The following KIF16B variants were observed in gnomAD, a reference collection of about 807,000 sequenced individuals.
The protein encoded by KIF16B is kinesin-like protein KIF16B.
Under a neutral mutation model 156.3 loss-of-function variants are expected in KIF16B, and 98 were observed. That is an observed-to-expected ratio of 0.63 (90% CI 0.53 to 0.74). The LOEUF (loss-of-function observed/expected upper bound fraction) is 0.74. Among genes scored for constraint, KIF16B ranks in the 30% least tolerant of loss-of-function variants. KIF16B has a pLI of 0.00. For synonymous variants in KIF16B, 564 were observed against 583.7 expected (o/e 0.97, Z 0.49); for missense variants, 1,421 against 1,606.5 (o/e 0.88, Z 1.97).
chr20:16,475,925 T>G (rs1010214985), intron 12 of KIF16B, among the ~76,000 whole-genome samples: 8 of 152,266 alleles, frequency 5.3e-5, no homozygotes, highest in African/African-American at 1.9e-4. Flanking sequence ...TTCATCTTTC[T>G]GCAGCAATTC....
chr20:16,573,175 C>T, intron 1 of KIF16B, 54 bp downstream of exon 1: 1 of 1,496,744 alleles, frequency 6.7e-7, no homozygotes, highest in East Asian at 2.4e-5. Flanking sequence ...TGGAAACAGG[C>T]TTCCTCTGGG....
intron 22 of KIF16B, among the ~76,000 whole-genome samples, chr20:16,365,288 T>C (rs1026374438): frequency 6.6e-6 from 1 of 152,226 alleles, no homozygotes; most frequent in African/African-American, 2.4e-5. Context: ...AAAACTATCA[T>C]GGTACATTTT....
chr20:16,322,629 A>G (rs1035615152), intron 24 of KIF16B, among the ~76,000 whole-genome samples: 7 of 151,952 alleles, frequency 4.6e-5, no homozygotes, highest in African/African-American at 1.7e-4. Flanking sequence ...ATTTTCATCT[A>G]TAAGTTGATT....
In KIF16B at chr20:16,477,181, C is replaced by T. The variant is rs149790238; in HGVS notation, c.1302+17110G>A. Among the ~76,000 whole-genome samples, 625 of 134,924 alleles carry T rather than the reference C, an allele frequency of 4.6e-3. 2 individuals are homozygous for T. The highest frequency in any genetic ancestry group is 0.031 in the East Asian group (147 of 4,760). The allele number at this position is 134,924 out of a possible 152,430, so 88.5% of individuals were successfully genotyped here. A position where few individuals can be genotyped will look rare whatever the true frequency, so the allele number is the denominator to read the frequency against. On this transcript the variant is annotated intron_variant, in intron 12 of 25. Coordinates refer to ENST00000354981, the MANE Select transcript of KIF16B (RefSeq NM_024704.5). ...TTTAATTTCTCTTGCCTTCAATTTC[C>T]TTGTGGGTTTTTTTTTTTTCTCTCC...
chr20:16,398,909 C>T (rs1200288902), intron 17 of KIF16B, among the ~76,000 whole-genome samples: 4 of 152,048 alleles, frequency 2.6e-5, no homozygotes, highest in African/African-American at 4.8e-5. Flanking sequence ...GGCCAGGAGG[C>T]GTGTTTGTGT....
intron 16 of KIF16B, 80 bp from the exon 17 acceptor site, chr20:16,404,981 G>T: frequency 1.0e-6 from 1 of 963,072 alleles, no homozygotes; most frequent in Non-Finnish European, 1.6e-6. Flanking sequence ...CTTCCAACAT[G>T]TGAGAGACAA....
chr20:16,308,699 A>T lies in KIF16B; in HGVS notation c.3795+3636T>A, dbSNP rs534877074. Among the ~76,000 whole-genome samples, 6 of 152,368 alleles carry T rather than the reference A, an allele frequency of 3.9e-5. No homozygotes were observed. The East Asian group carries it at 1.2e-3, about 29-fold the overall frequency. Reference sequence around the variant, plus strand: ...TTCCACTCATGCTTGGCCTTAATAAACAGCAAGCAAATGTGGGAAAGCAGG... The same window carrying T: ...TTCCACTCATGCTTGGCCTTAATAATCAGCAAGCAAATGTGGGAAAGCAGG... On this transcript the variant is annotated intron_variant, in intron 25 of 25. Coordinates refer to ENST00000354981, the MANE Select transcript of KIF16B (RefSeq NM_024704.5).
chr20:16,479,466 T>C (rs1244078669), intron 12 of KIF16B, among the ~76,000 whole-genome samples: 2 of 152,206 alleles, frequency 1.3e-5, no homozygotes, highest in African/African-American at 4.8e-5. Context: ...CCACAGCAGA[T>C]GTTTACCTAT....
At chr20:16,513,682 AAC>A (rs2069038402) in intron 4 of KIF16B, among the ~76,000 whole-genome samples, 1 of 149,032 alleles carries the variant, frequency 6.7e-6, no homozygotes, top group African/African-American at 2.5e-5. Context: ...AAAAAAAAAA[AAC>A]CACATGCTAT....
At chr20:16,401,148 G>C (rs975720725) in intron 17 of KIF16B, among the ~76,000 whole-genome samples, 3 of 152,142 alleles carry the variant, frequency 2.0e-5, no homozygotes, top group Non-Finnish European at 4.4e-5. Flanking sequence ...TAATGCAAGG[G>C]GTAGCAGAGA....
intron 10 of KIF16B, among the ~76,000 whole-genome samples, chr20:16,501,673 T>C (rs189732744): frequency 7.9e-4 from 120 of 152,266 alleles, no homozygotes; most frequent in African/African-American, 2.8e-3. Flanking sequence ...TGAGGATAAA[T>C]GGATCCACTA....
At chr20:16,407,226 G>A (rs2065808465) in intron 15 of KIF16B, among the ~76,000 whole-genome samples, 1 of 152,168 alleles carries the variant, frequency 6.6e-6, no homozygotes, top group African/African-American at 2.4e-5. Flanking sequence ...GGGCACAGGT[G>A]CCTGCAGGGC....
At chr20:16,430,052 C>A in intron 12 of KIF16B, 70 bp from the exon 13 acceptor site, 1 of 1,423,760 alleles carries the variant, frequency 7.0e-7, no homozygotes, top group Non-Finnish European at 9.4e-7. Context: ...AGGTGTTCTT[C>A]AGATTGTCAG....
At chr20:16,289,056 C>T (rs969978033) in intron 25 of KIF16B, among the ~76,000 whole-genome samples, 1 of 152,090 alleles carries the variant, frequency 6.6e-6, no homozygotes, top group Non-Finnish European at 1.5e-5. Flanking sequence ...ACCTACCAAA[C>T]ATCATGGCTT....
At chr20:16,441,465 C>T (rs896438098) in intron 12 of KIF16B, among the ~76,000 whole-genome samples, 2 of 152,146 alleles carry the variant, frequency 1.3e-5, no homozygotes, top group African/African-American at 2.4e-5. Context: ...CATGGATCTC[C>T]GTCAAACACA....
chr20:16,547,688 C>T (rs922757433), intron 1 of KIF16B, among the ~76,000 whole-genome samples: 20 of 152,118 alleles, frequency 1.3e-4, no homozygotes, highest in African/African-American at 4.8e-4. Flanking sequence ...CTGCAACTCA[C>T]GCAACACAAA....
Position 16,526,128 on chromosome 20 carries a change from A to G in KIF16B, c.195T>C (p.Ala65=), listed in dbSNP as rs756417590. The part of the protein sequence containing the change: ...TFTYDFSFYS[A]DTKSPDYVSQ... ...AAACGTAATCTGGGCTTTTTGTATC[A>G]GCAGAATAAAAAGAAAAGTCATAGG... Residue 65 remains alanine, a synonymous_variant, in exon 3 of 26, where the codon GCT becomes GCC. Coordinates refer to ENST00000354981, the MANE Select transcript of KIF16B (RefSeq NM_024704.5). 3 of 1,606,234 alleles carry G rather than the reference A, an allele frequency of 1.9e-6. No individual in the cohort carries two copies. The highest frequency in any genetic ancestry group is 2.2e-5 in the South Asian group (2 of 89,192).
intron 23 of KIF16B, among the ~76,000 whole-genome samples, chr20:16,349,045 T>A (rs1217089486): frequency 6.6e-6 from 1 of 152,198 alleles, no homozygotes; most frequent in East Asian, 1.9e-4. Context: ...AACCCAGGAC[T>A]GCTCACAGCA....
intron 12 of KIF16B, among the ~76,000 whole-genome samples, chr20:16,452,253 CAAAAGAA>C (rs2067101865): frequency 6.6e-6 from 1 of 152,068 alleles, no homozygotes; most frequent in African/African-American, 2.4e-5. Context: ...AATTCAGCAG[CAAAAGAA>C]GCTACAGGAT....
Sources: allele counts gnomAD v4.1 joint callset (sites outside exome capture counted in the v4.1 genomes callset), GRCh38; gene constraint gnomAD v4.1.1; transcripts MANE v1.5; gene names NCBI Gene and HGNC (gene_info 2026-07-23, HGNC 2026-07-21).